Variants in IFT70B observed in about 807,000 individuals in gnomAD.
The protein encoded by IFT70B is intraflagellar transport 70B.
the IFT70B span, chr2:177,551,986 T>C: frequency 6.2e-7 from 1 of 1,614,238 alleles, no homozygotes; most frequent in Non-Finnish European, 8.5e-7. Context: ...TGGTATTCTA[T>C]AGCTGCCTTA....
chr2:177,550,503 G>A, the IFT70B span: 2 of 306,932 alleles, frequency 6.5e-6, no homozygotes, highest in Non-Finnish European at 1.2e-5. Flanking sequence ...AAAGATAACA[G>A]AGGAAAGGAA....
the IFT70B span, chr2:177,552,716 C>A: frequency 1.3e-6 from 2 of 1,592,930 alleles, no homozygotes; most frequent in Non-Finnish European, 8.6e-7. Context: ...GGTACACGAC[C>A]GCGGTGAACT....
At chr2:177,552,582 A>G in the IFT70B span, 2 of 1,597,452 alleles carry the variant, frequency 1.3e-6, no homozygotes, top group Non-Finnish European at 1.7e-6. Flanking sequence ...CGCCAGCGCG[A>G]ACTCCTGCAG....
At chr2:177,552,367 T>A in the IFT70B span, 2 of 1,614,218 alleles carry the variant, frequency 1.2e-6, no homozygotes, top group South Asian at 2.2e-5. Flanking sequence ...ACCAGGCTCC[T>A]GGACCCTGGC....
chr2:177,551,050 C>T, the IFT70B span: 35 of 1,614,044 alleles, frequency 2.2e-5, no homozygotes, highest in Middle Eastern at 1.6e-4. Flanking sequence ...TTGTAAGGTT[C>T]CAAGCTTTTG....
the IFT70B span, chr2:177,552,202 G>C: frequency 6.2e-7 from 1 of 1,614,154 alleles, no homozygotes; most frequent in African/African-American, 1.3e-5. Context: ...GAAAGGTCAG[G>C]CTGGTAGCCC....
chr2:177,552,356 T>C, the IFT70B span: 140 of 1,614,116 alleles, frequency 8.7e-5, no homozygotes, highest in Non-Finnish European at 1.1e-4. Flanking sequence ...GCAGCTGCTC[T>C]ACCAGGCTCC....
chr2:177,551,697 G>C, the IFT70B span: 1 of 1,614,194 alleles, frequency 6.2e-7, no homozygotes. Flanking sequence ...ATAGAGATAG[G>C]GTGTGAGGAA....
chr2:177,552,273 A>G, the IFT70B span: 1 of 1,614,232 alleles, frequency 6.2e-7, no homozygotes, highest in East Asian at 2.2e-5. Flanking sequence ...CTCCTTGTAG[A>G]GCAAACAACC....
the IFT70B span, chr2:177,550,495 AG>A: frequency 3.4e-6 from 1 of 289,940 alleles, no homozygotes; most frequent in South Asian, 5.4e-5. Flanking sequence ...AAAGCACAAA[AG>A]ATAACAGAGG....
At chr2:177,552,171 T>C in the IFT70B span, 4 of 1,614,094 alleles carry the variant, frequency 2.5e-6, no homozygotes, top group African/African-American at 4.0e-5. Flanking sequence ...GCTGCTGTAA[T>C]AGGCCAAAGC....
the IFT70B span, chr2:177,550,890 T>C: frequency 6.2e-7 from 1 of 1,614,154 alleles, no homozygotes; most frequent in Non-Finnish European, 8.5e-7. Context: ...AGCAGGTATG[T>C]TTCTGCCATG....
At chr2:177,551,960 C>T in the IFT70B span, 1 of 1,614,186 alleles carries the variant, frequency 6.2e-7, no homozygotes, top group South Asian at 1.1e-5. Flanking sequence ...CTTGAGCTGC[C>T]TCATAGTTTC....
At chr2:177,552,664 G>A in the IFT70B span, 2 of 1,591,406 alleles carry the variant, frequency 1.3e-6, no homozygotes, top group Middle Eastern at 1.7e-4. Flanking sequence ...TCTCCGCCCA[G>A]CAGCTGCACC....
the IFT70B span, chr2:177,551,727 T>C: frequency 1.2e-6 from 2 of 1,614,052 alleles, no homozygotes; most frequent in Admixed American, 1.7e-5. Context: ...CAAATGGGCA[T>C]TTTCTGCCAG....
At chr2:177,550,665 C>T in the IFT70B span, 1 of 1,118,304 alleles carries the variant, frequency 8.9e-7, no homozygotes. Flanking sequence ...CATAAGTGTA[C>T]AAAGTTCAAC....
chr2:177,552,729 C>A, the IFT70B span: 2 of 1,585,422 alleles, frequency 1.3e-6, no homozygotes, highest in African/African-American at 1.3e-5. Flanking sequence ...GGTGAACTCC[C>A]CGTCGGGGAT....
the IFT70B span, chr2:177,549,161 C>G: frequency 6.6e-6 from 1 of 152,208 alleles, no homozygotes; most frequent in African/African-American, 2.4e-5. Context: ...AAGAACATTT[C>G]CCAGACATTG....
At chr2:177,552,288 T>A in the IFT70B span, 5 of 1,614,218 alleles carry the variant, frequency 3.1e-6, no homozygotes, top group Non-Finnish European at 4.2e-6. Context: ...ACAACCCAGG[T>A]TGATCTGGCC....
Sources: gnomAD v4.1 joint callset for allele counts on GRCh38, gnomAD v4.1.1 for gene constraint, MANE v1.5 for transcripts, NCBI Gene and HGNC (gene_info 2026-07-23, HGNC 2026-07-21) for gene names.